Variants in CENPK observed in about 807,000 individuals in gnomAD.
CENPK encodes the protein SoxLZ/Sox6-binding protein Solt.
In CENPK, 46 loss-of-function variants were observed where a neutral mutation model predicts 40.9. The observed-to-expected ratio is 1.13, with a 90% CI of 0.89 to 1.44. The LOEUF (loss-of-function observed/expected upper bound fraction) is 1.44. Ranked by LOEUF, CENPK falls within the 40% of genes most tolerant of loss-of-function variation. The probability of loss-of-function intolerance (pLI) is 0.00; values close to 1 mark genes in which losing one functional copy is unlikely to be tolerated. For synonymous variants in CENPK, 107 were observed against 104.4 expected (o/e 1.02, Z -0.15); for missense variants, 288 against 303.5 (o/e 0.95, Z 0.38).
At chr5:65,554,751 G>T (rs1471058486) in intron 3 of CENPK, 46 bp downstream of exon 3, 3 of 1,012,826 alleles carry the variant, frequency 3.0e-6, no homozygotes, top group South Asian at 1.3e-5. Context: ...TATTGAAGTT[G>T]ATTTAAATCT....
chr5:65,540,229 A>G (rs1581007534), intron 6 of CENPK, among the ~76,000 whole-genome samples: 1 of 152,228 alleles, frequency 6.6e-6, no homozygotes, highest in East Asian at 1.9e-4. Flanking sequence ...CTATACAGTC[A>G]AGAGAAGCCA....
downstream of CENPK, among the ~76,000 whole-genome samples, chr5:65,514,356 CA>C (rs1309231485): frequency 1.6e-4 from 23 of 146,790 alleles, no homozygotes; most frequent in Admixed American, 1.4e-3. Flanking sequence ...CTCCCCATCC[CA>C]GGGTTCAAGT....
At chr5:65,531,172 C>T (rs1174203902) in intron 6 of CENPK, among the ~76,000 whole-genome samples, 1 of 151,878 alleles carries the variant, frequency 6.6e-6, no homozygotes. Context: ...CCTCCCTCCC[C>T]CAGAAAAATA....
chr5:65,523,831 T>C lies in CENPK; in HGVS notation c.598-2303A>G, dbSNP rs769726773. ...TCAAATATAAAGAACTCTCCAGATATAGTCAGAAGCAACAAGTCATCCATA... is the reference window on the plus strand; with the variant it reads ...TCAAATATAAAGAACTCTCCAGATACAGTCAGAAGCAACAAGTCATCCATA... On this transcript the variant is annotated intron_variant, in intron 9 of 10. Coordinates refer to ENST00000396679, the MANE Select transcript of CENPK (RefSeq NM_022145.5). Among the ~76,000 whole-genome samples the C allele has an allele frequency of 5.3e-5, 8 of 152,260 alleles. 1 individual carries two copies. The South Asian group carries it at 6.2e-4, about 12-fold the overall frequency.
At position 65,518,601 on chromosome 5, in the gene CENPK, A is replaced by G. The variant is rs145412104; in HGVS notation, c.684T>C (p.His228=). 34 of 1,590,808 alleles carry G rather than the reference A, an allele frequency of 2.1e-5. No individual in the cohort carries two copies. The African/African-American group carries it at 4.3e-4, about 20-fold the overall frequency. ...ILINRLFDVP[H]DPYVKISDSF... ...AATCACTAATTTTGACATATGGATC[A>G]TGTGGAACATCAAATAATCTATTTA... Residue 228 remains histidine (H), a synonymous_variant, in exon 11 of 11, where the codon CAT becomes CAC. Coordinates refer to ENST00000396679, the MANE Select transcript of CENPK (RefSeq NM_022145.5).
At chr5:65,548,714 G>A (rs751151046) in intron 5 of CENPK, among the ~76,000 whole-genome samples, 2 of 152,104 alleles carry the variant, frequency 1.3e-5, no homozygotes, top group Non-Finnish European at 2.9e-5. Context: ...TCCATCTCAA[G>A]AAACCACTTT....
At chr5:65,533,810 A>G (rs1290055076) in intron 6 of CENPK, among the ~76,000 whole-genome samples, 1 of 152,124 alleles carries the variant, frequency 6.6e-6, no homozygotes, top group Non-Finnish European at 1.5e-5. Flanking sequence ...TGGGAGGCCA[A>G]GGTGGGCAGA....
At chr5:65,528,620 A>G in intron 8 of CENPK, 42 bp from the exon 9 acceptor site, 1 of 1,465,224 alleles carries the variant, frequency 6.8e-7, no homozygotes, top group South Asian at 1.4e-5. Flanking sequence ...TAACTGATAA[A>G]ACACATACAC....
chr5:65,508,239 C>T, the CENPK span, among the ~76,000 whole-genome samples: 7,404 of 152,186 alleles, frequency 0.049, 267 homozygotes, highest in South Asian at 0.095. Flanking sequence ...CTTCAGAAGA[C>T]GCTAAATTAT....
At chr5:65,545,338 A>G (rs1053186358) in intron 5 of CENPK, among the ~76,000 whole-genome samples, 2,153 of 34,254 alleles carry the variant, frequency 0.063, 96 homozygotes, top group Middle Eastern at 0.19. Context: ...ACACACACAC[A>G]CACACACACA....
At chr5:65,532,635 G>A (rs115336058) in intron 6 of CENPK, among the ~76,000 whole-genome samples, 2,110 of 151,966 alleles carry the variant, frequency 0.014, 58 homozygotes, top group African/African-American at 0.048. Context: ...GAGATGGGAC[G>A]GTGGTGGGTC....
chr5:65,554,510 G>C (rs1004822223), intron 3 of CENPK, among the ~76,000 whole-genome samples: 2 of 152,100 alleles, frequency 1.3e-5, no homozygotes, highest in Admixed American at 6.5e-5. Flanking sequence ...TATAGTCTTT[G>C]TACTTCTACA....
At chr5:65,539,224 T>C (rs1316457627) in intron 6 of CENPK, among the ~76,000 whole-genome samples, 3 of 152,186 alleles carry the variant, frequency 2.0e-5, no homozygotes, top group Non-Finnish European at 4.4e-5. Flanking sequence ...AATACATTCA[T>C]TCCATCCCAA....
At chr5:65,545,283 T>C (rs972569809) in intron 5 of CENPK, among the ~76,000 whole-genome samples, 83 of 150,074 alleles carry the variant, frequency 5.5e-4, no homozygotes, top group African/African-American at 2.0e-3. Flanking sequence ...ACATAATTAT[T>C]CTTCTAAAGG....
intron 3 of CENPK, among the ~76,000 whole-genome samples, chr5:65,553,456 T>G (rs1750472864): frequency 6.8e-6 from 1 of 148,052 alleles, no homozygotes; most frequent in African/African-American, 2.4e-5. Flanking sequence ...AAGCTTGCCT[T>G]AAGTAGAACA....
intron 6 of CENPK, among the ~76,000 whole-genome samples, chr5:65,531,208 C>T (rs572365857): frequency 6.6e-6 from 1 of 150,516 alleles, no homozygotes; most frequent in Non-Finnish European, 1.5e-5. Context: ...GCTTTCAATG[C>T]AATCATATTG....
At chr5:65,529,432 T>C (rs557997019) in intron 6 of CENPK, 54 of 397,486 alleles carry the variant, frequency 1.4e-4, no homozygotes, top group African/African-American at 9.3e-4. Flanking sequence ...TTTAATATCA[T>C]ATTGAAAGGC....
the CENPK span, among the ~76,000 whole-genome samples, chr5:65,500,980 T>C: frequency 1.3e-5 from 2 of 148,794 alleles, no homozygotes. Flanking sequence ...ATATCTATTG[T>C]TCTAGCTGCA....
chr5:65,539,383 C>G (rs1353372608), intron 6 of CENPK, among the ~76,000 whole-genome samples: 1 of 152,150 alleles, frequency 6.6e-6, no homozygotes, highest in Non-Finnish European at 1.5e-5. Flanking sequence ...CTTGTGAAAT[C>G]AAACATGTTA....
Sources: gnomAD v4.1 joint callset for allele counts (sites outside exome capture counted in the v4.1 genomes callset) on GRCh38, gnomAD v4.1.1 for gene constraint, MANE v1.5 for transcripts, NCBI Gene and HGNC (gene_info 2026-07-23, HGNC 2026-07-21) for gene names.